Variants in VDAC1 observed in about 807,000 individuals in gnomAD.
VDAC1 encodes the protein voltage dependent anion channel 1.
In VDAC1, 10 loss-of-function variants were observed where a neutral mutation model predicts 34.7. The ratio of observed to expected loss-of-function variants is 0.29; its 90% CI spans 0.18 to 0.49. The LOEUF (loss-of-function observed/expected upper bound fraction) is 0.49. Among genes scored for constraint, VDAC1 ranks in the 20% least tolerant of loss-of-function variants. The pLI is 0.99. For synonymous variants in VDAC1, 130 were observed against 136.0 expected (o/e 0.96, Z 0.30); for missense variants, 230 against 347.9 (o/e 0.66, Z 2.69).
chr5:133,976,089 C>A (rs1752470601), intron 6 of VDAC1, 68 bp from the exon 7 acceptor site: 2 of 1,592,976 alleles, frequency 1.3e-6, no homozygotes, highest in Admixed American at 1.7e-5. Flanking sequence ...ACAGATCCAC[C>A]CAAGTCTCCC....
At chr5:134,102,216 G>A in the VDAC1 span, among the ~76,000 whole-genome samples, 23 of 152,172 alleles carry the variant, frequency 1.5e-4, no homozygotes, top group African/African-American at 4.8e-4. Context: ...TCTGGGCCTC[G>A]CCTGGGCTGA....
At chr5:134,047,001 C>T in the VDAC1 span, among the ~76,000 whole-genome samples, 3 of 152,254 alleles carry the variant, frequency 2.0e-5, no homozygotes, top group Non-Finnish European at 4.4e-5. Flanking sequence ...CAGAGACACA[C>T]CCTAATTCAG....
the VDAC1 span, among the ~76,000 whole-genome samples, chr5:134,033,560 G>A: frequency 6.6e-6 from 1 of 151,830 alleles, no homozygotes. Flanking sequence ...GTCATGCTGG[G>A]GGAGCTCCAC....
At chr5:134,027,157 CA>C in the VDAC1 span, among the ~76,000 whole-genome samples, 1 of 152,284 alleles carries the variant, frequency 6.6e-6, no homozygotes, top group African/African-American at 2.4e-5. Flanking sequence ...CCCAGGATAT[CA>C]ACAGTGATGA....
At chr5:134,038,872 C>CA in the VDAC1 span, among the ~76,000 whole-genome samples, 1 of 102,954 alleles carries the variant, frequency 9.7e-6, no homozygotes, top group Admixed American at 9.5e-5. Context: ...TAAATGTTAT[C>CA]ATTGAGATAG....
the VDAC1 span, among the ~76,000 whole-genome samples, chr5:134,039,949 C>T: frequency 6.6e-6 from 1 of 152,194 alleles, no homozygotes. Context: ...TTCCCAAGCA[C>T]CTATGAGCTG....
the VDAC1 span, among the ~76,000 whole-genome samples, chr5:134,025,423 C>A: frequency 6.6e-6 from 1 of 152,036 alleles, no homozygotes; most frequent in Admixed American, 6.6e-5. Context: ...GGGACTCGCA[C>A]GTCAACATAA....
the VDAC1 span, among the ~76,000 whole-genome samples, chr5:134,022,067 C>A: frequency 0.16 from 23,562 of 151,982 alleles, 1,988 homozygotes; most frequent in East Asian, 0.32. Context: ...TTAGTAGAGA[C>A]GGGGTTTCTC....
the VDAC1 span, among the ~76,000 whole-genome samples, chr5:134,059,726 C>T: frequency 6.6e-6 from 1 of 151,688 alleles, no homozygotes; most frequent in Non-Finnish European, 1.5e-5. Flanking sequence ...ACCCTATACC[C>T]CCCACCTCAA....
chr5:134,013,518 A>T, the VDAC1 span, among the ~76,000 whole-genome samples: 1 of 152,228 alleles, frequency 6.6e-6, no homozygotes, highest in Non-Finnish European at 1.5e-5. Context: ...GAAACTATCA[A>T]CAGAGTAAAC....
the VDAC1 span, among the ~76,000 whole-genome samples, chr5:134,058,627 C>T: frequency 2.6e-5 from 4 of 152,196 alleles, no homozygotes; most frequent in Non-Finnish European, 5.9e-5. Flanking sequence ...AGGACTCTGA[C>T]TCTTAAGGCC....
At chr5:134,042,495 CT>C in the VDAC1 span, among the ~76,000 whole-genome samples, 15 of 150,338 alleles carry the variant, frequency 1.0e-4, no homozygotes, top group Non-Finnish European at 1.6e-4. Context: ...TTTTGTTTTT[CT>C]TTTTTTTTTC....
chr5:134,103,191 A>G, the VDAC1 span, among the ~76,000 whole-genome samples: 1 of 152,078 alleles, frequency 6.6e-6, no homozygotes, highest in African/African-American at 2.4e-5. Flanking sequence ...GTGCAATCTC[A>G]GCTAACTGTA....
chr5:134,085,305 T>C, the VDAC1 span, among the ~76,000 whole-genome samples: 145 of 152,050 alleles, frequency 9.5e-4, no homozygotes, highest in African/African-American at 3.5e-3. Context: ...CCTGACCTCA[T>C]GATCCGCCTG....
chr5:134,088,382 C>T, the VDAC1 span, among the ~76,000 whole-genome samples: 4 of 152,188 alleles, frequency 2.6e-5, no homozygotes, highest in Non-Finnish European at 5.9e-5. Flanking sequence ...GGTCAGGAAG[C>T]CCCACTAGCC....
At chr5:134,048,705 T>G in the VDAC1 span, among the ~76,000 whole-genome samples, 2 of 152,176 alleles carry the variant, frequency 1.3e-5, no homozygotes, top group Non-Finnish European at 2.9e-5. Context: ...AGTATCTTGA[T>G]CTATGTCCTC....
chr5:134,057,296 A>T, the VDAC1 span, among the ~76,000 whole-genome samples: 1 of 152,062 alleles, frequency 6.6e-6, no homozygotes, highest in African/African-American at 2.4e-5. Flanking sequence ...CCTGGCCAAT[A>T]TGGTGAAACC....
At chr5:134,111,785 C>CACT in the VDAC1 span, among the ~76,000 whole-genome samples, 1 of 152,186 alleles carries the variant, frequency 6.6e-6, no homozygotes, top group Non-Finnish European at 1.5e-5. Flanking sequence ...TATAATGGAA[C>CACT]ACTAGAGTGT....
the VDAC1 span, among the ~76,000 whole-genome samples, chr5:134,110,022 C>A: frequency 6.6e-6 from 1 of 152,186 alleles, no homozygotes; most frequent in Non-Finnish European, 1.5e-5. Flanking sequence ...TAGACTCCTT[C>A]CTGGGGAAAT....
Sources: allele counts gnomAD v4.1 joint callset (sites outside exome capture counted in the v4.1 genomes callset), GRCh38; gene constraint gnomAD v4.1.1; transcripts MANE v1.5; gene names NCBI Gene and HGNC (gene_info 2026-07-23, HGNC 2026-07-21).